Variants in CEND1 observed in about 807,000 individuals in gnomAD.
CEND1 encodes cell cycle exit and neuronal differentiation protein 1.
A neutral mutation model predicts 4.4 loss-of-function variants in CEND1; 1 was observed. The observed-to-expected ratio is 0.23, with a 90% confidence interval of 0.08 to 1.09. CEND1 has a LOEUF of 1.09. CEND1 is among the 50% of genes least tolerant of loss of function. The pLI is 0.55. For synonymous variants in CEND1, 109 were observed against 93.0 expected, an observed-to-expected ratio of 1.17 and a Z score of -0.99; for missense variants, 213 against 201.2, an observed-to-expected ratio of 1.06 and a Z score of -0.35.
In CEND1 at chr11:788,071, G is replaced by C; in HGVS notation, c.*56C>G. 7.4e-7 allele frequency: 1 copy of C among 1,343,406 alleles called. No individual in the cohort carries two copies. Among genetic ancestry groups the C allele is most frequent in the South Asian group, 1.5e-5 (1 of 66,724 alleles). The allele number at this position is 1,343,406 out of a possible 1,614,324, so 83.2% of individuals were successfully genotyped here. A position where few individuals can be genotyped will look rare whatever the true frequency, so the allele number is the denominator to read the frequency against. On this transcript the variant is annotated 3_prime_UTR_variant, in exon 2 of 2. Coordinates refer to ENST00000330106, the MANE Select transcript of CEND1 (RefSeq NM_016564.4). ...GTAAGGGTGAACTCTGCATGCACTG[G>C]CTTCCTCGGGTCTGTACAGGAAGTG... is the stretch of plus-strand genomic sequence containing the variant.
intron 1 of CEND1, among the ~76,000 whole-genome samples, chr11:788,879 G>T (rs142643753): frequency 6.6e-6 from 1 of 152,136 alleles, no homozygotes; most frequent in Non-Finnish European, 1.5e-5. Flanking sequence ...CAAGGGCCAC[G>T]CACAGGTGGG....
Position 788,630 on chromosome 11 carries a change from A to G in CEND1, c.-54T>C, listed in dbSNP as rs1032393764. The G allele has an allele frequency of 2.1e-6, 3 of 1,456,084 alleles. No individual in the cohort carries two copies. Among genetic ancestry groups the G allele is most frequent in the South Asian group, 1.5e-5 (1 of 67,156 alleles). The allele number at this position is 1,456,084 out of a possible 1,614,324, so 90.2% of individuals were successfully genotyped here. A position where few individuals can be genotyped will look rare whatever the true frequency, so the allele number is the denominator to read the frequency against. Reference sequence around the variant, plus strand: ...TGGCTGCACCAGAGGGGCTCAGGACAGTTTGTCGCCCCTGGGCATTCTATG... The same window carrying G: ...TGGCTGCACCAGAGGGGCTCAGGACGGTTTGTCGCCCCTGGGCATTCTATG... On this transcript the variant is annotated 5_prime_UTR_variant, in exon 2 of 2. Coordinates refer to ENST00000330106, the MANE Select transcript of CEND1 (RefSeq NM_016564.4).
chr11:789,929 G>A (rs1357700645), intron 1 of CEND1, 101 bp downstream of exon 1: 1 of 152,920 alleles, frequency 6.5e-6, no homozygotes, highest in African/African-American at 2.4e-5. Context: ...GGGGGCCCGC[G>A]CGCAAACCCA....
chr11:788,346 G>T lies in CEND1; in HGVS notation c.231C>A (p.Asn77Lys). ...TGGGGACCGTGGGGGCTGGCTTCAG[G>T]TTGCTGTGGTTGTTGAGAAGGGCAG... is the stretch of plus-strand genomic sequence containing the variant. Reference protein sequence around the residue: ...ADPALLNNHSNLKPAPTVPSS... With the variant: ...ADPALLNNHSKLKPAPTVPSS... The change falls in exon 2 of 2, where the codon AAC becomes AAA. Residue 77 changes from asparagine to lysine, a missense_variant. Coordinates refer to ENST00000330106, the MANE Select transcript of CEND1 (RefSeq NM_016564.4). The T allele has an allele frequency of 1.2e-6, 2 of 1,602,958 alleles. No individual in the cohort carries two copies. Among genetic ancestry groups the T allele is most frequent in the East Asian group, 2.2e-5 (1 of 44,552 alleles).
In CEND1 at chr11:788,525, G is replaced by GCAC; in HGVS notation, c.49_51dup (p.Val17dup). 1 of 1,524,156 alleles carries GCAC rather than the reference G, an allele frequency of 6.6e-7. No individual in the cohort carries two copies. Among genetic ancestry groups the GCAC allele is most frequent in the Non-Finnish European group, 8.8e-7 (1 of 1,136,412 alleles). The allele number at this position is 1,524,156 out of a possible 1,614,324, so 94.4% of individuals were successfully genotyped here. A position where few individuals can be genotyped will look rare whatever the true frequency, so the allele number is the denominator to read the frequency against. The stretch of plus-strand genomic sequence containing the variant: ...ACCTTGGCCTCGGTGGTGACCTGGG[G>GCAC]CACCTTGGTGTCGGGCTTGGGGCTG... On this transcript the variant is annotated inframe_insertion, in exon 2 of 2. Coordinates refer to ENST00000330106, the MANE Select transcript of CEND1 (RefSeq NM_016564.4).
rs559327155 is a variant in CEND1 at position 787,938 on chromosome 11, G to A, written c.*189C>T. The A allele has an allele frequency of 5.9e-4, 254 of 431,816 alleles. No individual in the cohort carries two copies. The highest frequency in any genetic ancestry group is 6.9e-4 in the Non-Finnish European group (172 of 249,240). 26.7% of individuals were successfully genotyped at this position (431,816 alleles called of 1,614,324 possible). ...AGCCTGGGCTCTTTCTGCCCTGGAG[G>A]TTGGGGAAGTCCTGGGTCAGCAGGG... On this transcript the variant is annotated 3_prime_UTR_variant, in exon 2 of 2. Transcript: ENST00000330106.
At chr11:789,072 C>T (rs549896472) in intron 1 of CEND1, among the ~76,000 whole-genome samples, 1 of 152,328 alleles carries the variant, frequency 6.6e-6, no homozygotes, top group Admixed American at 6.5e-5. Context: ...GACTGCATCC[C>T]CTCCTCAGGA....
rs1035162671 is a variant in CEND1 at position 787,735 on chromosome 11, C to G, written c.*392G>C. ...GGAGCCACCGCGCCCTTTAATGTCC[C>G]CACGAGGGCCGGGCCCAGGCCCAAC... On this transcript the variant is annotated 3_prime_UTR_variant, in exon 2 of 2. Transcript: ENST00000330106. The G allele has an allele frequency of 6.0e-6, 1 of 166,010 alleles. No homozygotes were observed. The highest frequency in any genetic ancestry group is 2.4e-5 in the African/African-American group (1 of 42,014). The allele number at this position is 166,010 out of a possible 1,614,324, so 10.3% of individuals were successfully genotyped here. A position where few individuals can be genotyped will look rare whatever the true frequency, so the allele number is the denominator to read the frequency against.
chr11:788,196 C>G lies in CEND1; in HGVS notation c.381G>C (p.Val127=). Residue 127 remains valine, a synonymous_variant, in exon 2 of 2, where the codon GTG becomes GTC. Transcript: ENST00000330106. ...WSCENFNPLL[V]AGGVAVAAIA... Reference sequence around the variant, plus strand: ...TGGCTGCCACGGCCACACCCCCAGCCACCAGCAGGGGGTTGAAGTTCTCAC... The same window carrying G: ...TGGCTGCCACGGCCACACCCCCAGCGACCAGCAGGGGGTTGAAGTTCTCAC... 1 of 1,609,278 alleles carries G rather than the reference C, an allele frequency of 6.2e-7. No homozygotes were observed. The highest frequency in any genetic ancestry group is 1.7e-4 in the Middle Eastern group (1 of 6,050).
At chr11:788,688 C>A in intron 1 of CEND1, 30 bp from the exon 2 acceptor site, 1 of 1,061,624 alleles carries the variant, frequency 9.4e-7, no homozygotes, top group Non-Finnish European at 1.3e-6. Context: ...AGGCTGCGCG[C>A]GGGTCCAGTC....
chr11:789,985 G>GCGCCCGCCC (rs534144198), intron 1 of CEND1, 45 bp downstream of exon 1: 28 of 152,794 alleles, frequency 1.8e-4, no homozygotes, highest in South Asian at 5.3e-4. Flanking sequence ...GCAGGACGCC[G>GCGCCCGCCC]CGCCCGCCCC....
At chr11:788,761 T>A in intron 1 of CEND1, 103 bp from the exon 2 acceptor site, 1 of 462,704 alleles carries the variant, frequency 2.2e-6, no homozygotes, top group Non-Finnish European at 3.6e-6. Context: ...CTGGACTCTC[T>A]GGAGCCCCAG....
chr11:788,169 T>C lies in CEND1; in HGVS notation c.408A>G (p.Ile136Met), dbSNP rs1393694211. 1 of 1,597,946 alleles carries C rather than the reference T, an allele frequency of 6.3e-7. No homozygotes were observed. The highest frequency in any genetic ancestry group is 8.5e-7 in the Non-Finnish European group (1 of 1,175,850). ...GGAAGGCCACACCGAGAATCAGGGCTATGGCTGCCACGGCCACACCCCCAG... is the reference window on the plus strand; with the variant it reads ...GGAAGGCCACACCGAGAATCAGGGCCATGGCTGCCACGGCCACACCCCCAG... Reference protein sequence around the residue: ...LVAGGVAVAAIALILGVAFLV... With the variant: ...LVAGGVAVAAMALILGVAFLV... Residue 136 changes from isoleucine to methionine, a missense_variant, in exon 2 of 2, where the codon ATA becomes ATG. Physicochemically the swap from Ile to Met is conservative, Grantham distance 10 (BLOSUM62 1). Coordinates refer to ENST00000330106, the MANE Select transcript of CEND1 (RefSeq NM_016564.4).
Position 787,943 on chromosome 11 carries a change from G to A in CEND1, c.*184C>T. On this transcript the variant is annotated 3_prime_UTR_variant, in exon 2 of 2. Coordinates refer to ENST00000330106, the MANE Select transcript of CEND1 (RefSeq NM_016564.4). Reference sequence around the variant, plus strand: ...GGGCTCTTTCTGCCCTGGAGGTTGGGGAAGTCCTGGGTCAGCAGGGGTGGG... The same window carrying A: ...GGGCTCTTTCTGCCCTGGAGGTTGGAGAAGTCCTGGGTCAGCAGGGGTGGG... 2.3e-6 allele frequency: 1 copy of A among 438,300 alleles called. No individual in the cohort carries two copies. The highest frequency in any genetic ancestry group is 3.5e-5 in the East Asian group (1 of 28,572). 27.2% of individuals were successfully genotyped at this position (438,300 alleles called of 1,614,324 possible).
chr11:788,125 T>C lies in CEND1; in HGVS notation c.*2A>G. On this transcript the variant is annotated 3_prime_UTR_variant, in exon 2 of 2. Coordinates refer to ENST00000330106, the MANE Select transcript of CEND1 (RefSeq NM_016564.4). ...CCGTGCCCCCCGCCTGGCCCCCAGG[T>C]ATTATTTTTTCCGGACCAGGAAGGC... The C allele has an allele frequency of 6.5e-7, 1 of 1,542,464 alleles. No homozygotes were observed. Among genetic ancestry groups the C allele is most frequent in the Non-Finnish European group, 8.7e-7 (1 of 1,151,230 alleles).
Position 787,910 on chromosome 11 carries a change from C to T in CEND1, c.*217G>A, listed in dbSNP as rs1028934737. Reference sequence around the variant, plus strand: ...GCCCCACATCCTGTGCTGTGGACCCCGGAGCCTGGGCTCTTTCTGCCCTGG... The same window carrying T: ...GCCCCACATCCTGTGCTGTGGACCCTGGAGCCTGGGCTCTTTCTGCCCTGG... On this transcript the variant is annotated 3_prime_UTR_variant, in exon 2 of 2. Transcript: ENST00000330106. 2.0e-5 allele frequency: 8 copies of T among 393,870 alleles called. No homozygotes were observed. The highest frequency in any genetic ancestry group is 6.2e-5 in the African/African-American group (3 of 48,776). 24.4% of individuals were successfully genotyped at this position (393,870 alleles called of 1,614,324 possible).
chr11:788,971 C>T (rs917705297), intron 1 of CEND1, among the ~76,000 whole-genome samples: 1 of 152,204 alleles, frequency 6.6e-6, no homozygotes, highest in Non-Finnish European at 1.5e-5. Context: ...GCAGGAGGCT[C>T]TTGGTGGGGA....
Sources: allele counts gnomAD v4.1 joint callset (sites outside exome capture counted in the v4.1 genomes callset), GRCh38; gene constraint gnomAD v4.1.1; transcripts MANE v1.5; gene names NCBI Gene and HGNC (gene_info 2026-07-23, HGNC 2026-07-21).